The following DIP2C variants were observed in gnomAD, a reference collection of about 807,000 sequenced individuals.
The protein encoded by DIP2C is disco-interacting protein 2 homolog C.
DIP2C carries 33 observed loss-of-function variants against 192.4 expected under a neutral mutation model. The ratio of observed to expected loss-of-function variants is 0.17; its 90% confidence interval spans 0.13 to 0.23. The LOEUF (loss-of-function observed/expected upper bound fraction) is 0.23. Among genes scored for constraint, DIP2C ranks in the 10% least tolerant of loss-of-function variants. DIP2C has a pLI of 1.00. For synonymous variants in DIP2C, 979 were observed against 864.1 expected (o/e 1.13, Z -2.33); for missense variants, 1,537 against 2,110.1 (o/e 0.73, Z 5.32).
chr10:662,225 C>T, intron 1 of DIP2C: 1 of 662,568 alleles, frequency 1.5e-6, no homozygotes, highest in South Asian at 1.7e-5. Flanking sequence ...TGCTCTCATT[C>T]CTGGGTTCCT....
intron 1 of DIP2C, among the ~76,000 whole-genome samples, chr10:581,146 C>T (rs1434754272): frequency 6.6e-6 from 1 of 152,144 alleles, no homozygotes; most frequent in Non-Finnish European, 1.5e-5. Flanking sequence ...GATTCCCCAC[C>T]ACAAAGTGGA....
intron 3 of DIP2C, among the ~76,000 whole-genome samples, chr10:462,177 A>G (rs967793972): frequency 3.3e-5 from 5 of 152,194 alleles, no homozygotes; most frequent in Admixed American, 3.3e-4. Context: ...AATAACTAAG[A>G]TCAGAGCAGA....
intron 3 of DIP2C, among the ~76,000 whole-genome samples, chr10:451,053 C>G (rs1968805257): frequency 6.6e-6 from 1 of 152,164 alleles, no homozygotes; most frequent in South Asian, 2.1e-4. Context: ...GTCTCAAAGC[C>G]CATCTCTGCA....
chr10:359,691 C>A (rs1022359938), intron 22 of DIP2C, among the ~76,000 whole-genome samples: 2 of 152,184 alleles, frequency 1.3e-5, no homozygotes, highest in Non-Finnish European at 2.9e-5. Context: ...CTGGGAGCCC[C>A]TGCACGATCT....
intron 10 of DIP2C, 150 bp downstream of exon 10, chr10:398,959 G>C: frequency 1.6e-6 from 1 of 639,286 alleles, no homozygotes; most frequent in East Asian, 2.8e-5. Flanking sequence ...CCAGGCTGCA[G>C]GGCCCACTAG....
intron 1 of DIP2C, among the ~76,000 whole-genome samples, chr10:574,022 C>G (rs1391434527): frequency 6.6e-6 from 1 of 152,196 alleles, no homozygotes; most frequent in Non-Finnish European, 1.5e-5. Flanking sequence ...ATTCTGTCTT[C>G]TACTCAAATT....
chr10:296,134 A>G (rs963499268), intron 32 of DIP2C, among the ~76,000 whole-genome samples: 6 of 152,120 alleles, frequency 3.9e-5, no homozygotes, highest in African/African-American at 1.4e-4. Flanking sequence ...ATTAGATCCC[A>G]TTTGCCAATT....
At chr10:629,886 T>C (rs891426236) in intron 1 of DIP2C, 2 of 152,242 alleles carry the variant, frequency 1.3e-5, no homozygotes, top group Admixed American at 6.5e-5. Context: ...TCCTTTGCAA[T>C]GTGTGGGGTT....
At position 534,665 on chromosome 10, in the gene DIP2C, A is replaced by AT. The variant is rs1185714723; in HGVS notation, c.86-48136dup. Among the ~76,000 whole-genome samples the AT allele has an allele frequency of 4.4e-3, 545 of 123,838 alleles. 4 individuals are homozygous for AT. The highest frequency in any genetic ancestry group is 7.2e-3 in the Non-Finnish European group (420 of 58,300). 81.2% of individuals were successfully genotyped at this position (123,838 alleles called of 152,430 possible). A position where few individuals can be genotyped will look rare whatever the true frequency, so the allele number is the denominator to read the frequency against. On this transcript the variant is annotated intron_variant, in intron 1 of 36. Transcript: ENST00000280886. ...TCTTACAGTGTTTGTCTGCTGGATG[A>AT]TTATTATTTTTTTTTTTTTTTTGAG...
At position 666,111 on chromosome 10, in the gene DIP2C, C is replaced by A. The variant is rs1857071743; in HGVS notation, c.85+23383G>T. ...GAGGAACGAAGAGCAGCTGTGAGTT[C>A]GTGGGAAAGAAGGGCTATCTGGAAT... On this transcript the variant is annotated intron_variant, in intron 1 of 36. Coordinates refer to ENST00000280886, the MANE Select transcript of DIP2C (RefSeq NM_014974.3). The surrounding 1 kb of genome is among the most constrained non-coding windows in gnomAD (Gnocchi z 4.1). 1 of 152,076 alleles carries A rather than the reference C, an allele frequency of 6.6e-6. No individual in the cohort carries two copies. The highest frequency in any genetic ancestry group is 6.6e-5 in the Admixed American group (1 of 15,262). The allele number at this position is 152,076 out of a possible 1,614,324, so 9.4% of individuals were successfully genotyped here.
chr10:552,899 C>T (rs957422459), intron 1 of DIP2C, among the ~76,000 whole-genome samples: 3 of 152,230 alleles, frequency 2.0e-5, no homozygotes, highest in Non-Finnish European at 4.4e-5. Flanking sequence ...GCCATCTCCA[C>T]GGAGTGGACA....
At position 357,104 on chromosome 10, in the gene DIP2C, C is replaced by G. The variant is rs141343095; in HGVS notation, c.2905-598G>C. 1.2e-4 allele frequency among the ~76,000 whole-genome samples: 18 copies of G among 152,304 alleles called. No individual in the cohort carries two copies. The East Asian group carries it at 2.1e-3, about 18-fold the overall frequency. On this transcript the variant is annotated intron_variant, in intron 23 of 36. Coordinates refer to ENST00000280886, the MANE Select transcript of DIP2C (RefSeq NM_014974.3). ...GAAAAACCCACAGATAAGGTTTCATCCGTTTCATCAACATTTCACGGTGCT... is the reference window on the plus strand; with the variant it reads ...GAAAAACCCACAGATAAGGTTTCATGCGTTTCATCAACATTTCACGGTGCT...
chr10:395,839 G>C (rs970666213), intron 10 of DIP2C, among the ~76,000 whole-genome samples: 1 of 152,210 alleles, frequency 6.6e-6, no homozygotes, highest in African/African-American at 2.4e-5. Flanking sequence ...ACAGGTTACA[G>C]TCACTGACAC....
chr10:495,720 G>A (rs141940356), intron 1 of DIP2C, among the ~76,000 whole-genome samples: 89 of 151,804 alleles, frequency 5.9e-4, no homozygotes, highest in African/African-American at 1.6e-3. Flanking sequence ...GTGCCCTCCC[G>A]TGTACTTAAA....
chr10:352,373 C>T (rs1175260815), intron 24 of DIP2C, among the ~76,000 whole-genome samples: 1 of 152,196 alleles, frequency 6.6e-6, no homozygotes, highest in Non-Finnish European at 1.5e-5. Context: ...CCCTGTGAAA[C>T]ACAATTTTCT....
At chr10:524,280 G>T (rs1344757741) in intron 1 of DIP2C, among the ~76,000 whole-genome samples, 1 of 152,170 alleles carries the variant, frequency 6.6e-6, no homozygotes, top group Non-Finnish European at 1.5e-5. Flanking sequence ...GGTACAGACT[G>T]TGTGAGGCCT....
chr10:281,538 C>T (rs1016620305), intron 35 of DIP2C, among the ~76,000 whole-genome samples: 14 of 152,236 alleles, frequency 9.2e-5, no homozygotes, highest in Admixed American at 3.3e-4. Context: ...GCTGCAAAGC[C>T]GCCATGCGCC....
chr10:571,822 C>A (rs1193189008), intron 1 of DIP2C, among the ~76,000 whole-genome samples: 1 of 152,164 alleles, frequency 6.6e-6, no homozygotes. Context: ...CCAAGAGGCC[C>A]TGCAAAGCTT....
intron 1 of DIP2C, among the ~76,000 whole-genome samples, chr10:653,376 A>T (rs1364004990): frequency 6.6e-6 from 1 of 152,154 alleles, no homozygotes. Context: ...TGAACCCTGG[A>T]AGTGGAGGTT....
Sources: allele counts gnomAD v4.1 joint callset (sites outside exome capture counted in the v4.1 genomes callset), GRCh38; gene constraint gnomAD v4.1.1; non-coding constraint Gnocchi (gnomAD v3.1); transcripts MANE v1.5; gene names NCBI Gene and HGNC (gene_info 2026-07-23, HGNC 2026-07-21).